The following INO80 variants were observed in gnomAD, a reference collection of about 807,000 sequenced individuals.
The protein encoded by INO80 is INO80 complex ATPase subunit.
INO80 carries 20 observed loss-of-function variants against 203.4 expected under a neutral mutation model. The observed-to-expected ratio is 0.10, with a 90% confidence interval of 0.07 to 0.14. The LOEUF (loss-of-function observed/expected upper bound fraction) is 0.14, where lower values mean the gene tolerates loss of function less well. INO80 is among the 10% of genes least tolerant of loss of function. The pLI, the probability that INO80 is intolerant of heterozygous loss-of-function variation, is 1.00. For missense variants in INO80, 1,419 were observed against 1,914.4 expected, an observed-to-expected ratio of 0.74 and a Z score of 4.83; for synonymous variants, 726 against 685.2, an observed-to-expected ratio of 1.06 and a Z score of -0.93.
intron 14 of INO80, among the ~76,000 whole-genome samples, chr15:41,065,664 G>A (rs942585169): frequency 2.0e-5 from 3 of 152,094 alleles, no homozygotes; most frequent in African/African-American, 7.2e-5. Flanking sequence ...TGAACAAAAT[G>A]TGATATATAT....
chr15:41,090,434 G>T (rs545036719), intron 5 of INO80, among the ~76,000 whole-genome samples: 1 of 152,136 alleles, frequency 6.6e-6, no homozygotes, highest in African/African-American at 2.4e-5. Flanking sequence ...AAAAAAAGCC[G>T]GGCGTGGTGG....
chr15:41,090,981 G>A (rs1395124231), intron 5 of INO80, among the ~76,000 whole-genome samples: 1 of 147,406 alleles, frequency 6.8e-6, no homozygotes, highest in Non-Finnish European at 1.5e-5. Flanking sequence ...CAAGAGTGCA[G>A]TGGCTCAATC....
intron 28 of INO80, among the ~76,000 whole-genome samples, chr15:41,003,804 A>G (rs968618379): frequency 6.6e-6 from 1 of 152,208 alleles, no homozygotes; most frequent in Non-Finnish European, 1.5e-5. Flanking sequence ...TGAAATACCT[A>G]TTACTTAATG....
At chr15:41,005,513 T>TAAAA in intron 28 of INO80, 80 bp downstream of exon 28, 9 of 573,908 alleles carry the variant, frequency 1.6e-5, no homozygotes, top group East Asian at 6.3e-5. Context: ...TCCTGGCATT[T>TAAAA]AAAAAAAAAA....
intron 7 of INO80, among the ~76,000 whole-genome samples, chr15:41,084,080 A>C (rs1382321110): frequency 6.6e-6 from 1 of 152,116 alleles, no homozygotes; most frequent in Non-Finnish European, 1.5e-5. Flanking sequence ...TTTATAATGA[A>C]ATATCCTGTT....
rs143995446 is a variant in INO80 at position 41,069,186 on chromosome 15, C to T, written c.1782+384G>A. On this transcript the variant is annotated intron_variant, in intron 14 of 35. Coordinates refer to ENST00000648947, the MANE Select transcript of INO80 (RefSeq NM_017553.3). ...CTCTGTCGCCCTGGATGGAGTGCAG[C>T]GGCACATTCTCGGCTTGCTACAACC... Among the ~76,000 whole-genome samples the T allele has an allele frequency of 2.5e-3, 386 of 152,126 alleles. 1 individual carries two copies. The highest frequency in any genetic ancestry group is 8.6e-3 in the African/African-American group (357 of 41,496).
intron 6 of INO80, among the ~76,000 whole-genome samples, chr15:41,086,371 C>T (rs7172558): frequency 0.028 from 4,227 of 152,128 alleles, 189 homozygotes; most frequent in African/African-American, 0.096. Context: ...TACCTTTAAG[C>T]CAGGTGCGAT....
intron 18 of INO80, among the ~76,000 whole-genome samples, chr15:41,054,634 G>T (rs2044949868): frequency 6.6e-6 from 1 of 152,100 alleles, no homozygotes; most frequent in African/African-American, 2.4e-5. Context: ...GACCCACAAA[G>T]AATTAAATAT....
At chr15:41,061,562 G>A (rs1300785354) in intron 14 of INO80, among the ~76,000 whole-genome samples, 1 of 151,474 alleles carries the variant, frequency 6.6e-6, no homozygotes, top group Non-Finnish European at 1.5e-5. Context: ...AGCAGAAGTT[G>A]CAGTGAGCCG....
chr15:40,984,421 AG>A (rs1790578545), intron 32 of INO80, 69 bp from the exon 33 acceptor site: 3 of 1,432,926 alleles, frequency 2.1e-6, no homozygotes, highest in East Asian at 2.3e-5. Context: ...GGATTTGGGA[AG>A]AAAAGGATAA....
rs1236614673 is a variant in INO80, at chr15:41,092,123, TTCA to T, written c.438_440del (p.Asp146del). 3 of 1,612,246 alleles carry T rather than the reference TTCA, an allele frequency of 1.9e-6. No individual in the cohort carries two copies. The highest frequency in any genetic ancestry group is 2.2e-5 in the East Asian group (1 of 44,856). On this transcript the variant is annotated inframe_deletion, in exon 5 of 36. Transcript: ENST00000648947. ...CTTCTCTGCTGAGATTGAGTTCTTC[TTCA>T]TCATCGTCTTCACTCTGAGAATCAG...
rs1167170026 is a variant in INO80 at position 41,080,922 on chromosome 15, A to C, written c.927+98T>G. 4 of 759,702 alleles carry C rather than the reference A, an allele frequency of 5.3e-6. No homozygotes were observed. In the Admixed American group the frequency reaches 8.4e-5, roughly 16 times the overall value. The allele number at this position is 759,702 out of a possible 1,614,324, so 47.1% of individuals were successfully genotyped here. The stretch of plus-strand genomic sequence containing the variant: ...CTTACGAACTATTAGATTCATGATC[A>C]ACAGGTTACGACGGACAAGAGCAGC... On this transcript the variant is annotated intron_variant, in intron 8 of 35. Transcript: ENST00000648947.
intron 8 of INO80, 88 bp from the exon 9 acceptor site, chr15:41,079,992 T>C (rs2045461930): frequency 2.6e-6 from 3 of 1,133,152 alleles, no homozygotes; most frequent in Non-Finnish European, 4.0e-6. Flanking sequence ...TTCCTCAATC[T>C]GTTCAGCCAA....
chr15:41,053,531 T>C (rs2044923352), intron 19 of INO80, among the ~76,000 whole-genome samples: 1 of 152,188 alleles, frequency 6.6e-6, no homozygotes. Flanking sequence ...TGGCATGTGG[T>C]TAGGCAGTGT....
intron 1 of INO80, among the ~76,000 whole-genome samples, chr15:41,114,276 A>AAC (rs1555408813): frequency 3.9e-5 from 5 of 129,368 alleles, no homozygotes. Flanking sequence ...CAAAAAACAA[A>AAC]AAAAAAAAAA....
chr15:41,021,544 T>C (rs1185046696), intron 25 of INO80, among the ~76,000 whole-genome samples: 1 of 152,248 alleles, frequency 6.6e-6, no homozygotes, highest in Non-Finnish European at 1.5e-5. Context: ...ATTTAAAAAC[T>C]AAAGAATATT....
chr15:41,073,654 A>C (rs530660258), intron 10 of INO80, among the ~76,000 whole-genome samples, 159 bp from the exon 11 acceptor site: 55 of 152,294 alleles, frequency 3.6e-4, no homozygotes, highest in African/African-American at 1.2e-3. Context: ...CAGAGGTAAG[A>C]AGCTGGAAAT....
intron 19 of INO80, among the ~76,000 whole-genome samples, chr15:41,053,714 T>C (rs1246662822): frequency 6.6e-6 from 1 of 152,202 alleles, no homozygotes; most frequent in Non-Finnish European, 1.5e-5. Context: ...TTTTGTAATG[T>C]TTCAAATTCT....
In INO80 at chr15:41,093,001, C is replaced by T. The variant is rs540528786; in HGVS notation, c.382-819G>A. Among the ~76,000 whole-genome samples the T allele has an allele frequency of 2.0e-5, 3 of 152,224 alleles. No homozygotes were observed. In the East Asian group the frequency reaches 5.8e-4, roughly 29 times the overall value. The stretch of plus-strand genomic sequence containing the variant: ...AGTGAGCTATGGCTGCACCACTGCA[C>T]TCCAACCTAGGAAACAGAGCAAGAG... On this transcript the variant is annotated intron_variant, in intron 4 of 35. Transcript: ENST00000648947.
Sources: allele counts gnomAD v4.1 joint callset (sites outside exome capture counted in the v4.1 genomes callset), GRCh38; gene constraint gnomAD v4.1.1; transcripts MANE v1.5; gene names NCBI Gene and HGNC (gene_info 2026-07-23, HGNC 2026-07-21).